Variants in UGT1A9 observed in about 807,000 individuals in gnomAD.
UGT1A9 encodes the protein UDP glucuronosyltransferase family 1 member A9.
UGT1A9 carries 35 observed loss-of-function variants against 45.0 expected under a neutral mutation model. That is an observed-to-expected ratio of 0.78 (90% CI 0.59 to 1.03). The LOEUF (loss-of-function observed/expected upper bound fraction) is 1.03. Ranked by LOEUF, UGT1A9 falls within the 50% of genes least tolerant of loss-of-function variation. The probability of loss-of-function intolerance (pLI) is 0.00; values close to 1 mark genes in which losing one functional copy is unlikely to be tolerated. For synonymous variants in UGT1A9, 278 were observed against 250.6 expected, an observed-to-expected ratio of 1.11 and a Z score of -1.03; for missense variants, 687 against 666.6, an observed-to-expected ratio of 1.03 and a Z score of -0.34.
intron 1 of UGT1A9, among the ~76,000 whole-genome samples, chr2:233,724,038 C>T (rs2077157253): frequency 1.1e-5 from 1 of 87,686 alleles, no homozygotes. Flanking sequence ...TCTCAATGAG[C>T]TGTTGGGCAC....
chr2:233,747,362 G>A, intron 1 of UGT1A9: 1 of 1,603,780 alleles, frequency 6.2e-7, no homozygotes, highest in Non-Finnish European at 8.5e-7. Flanking sequence ...CCGTGCGGGA[G>A]CTCCATGCCA....
chr2:233,709,930 C>G (rs919576895), intron 1 of UGT1A9, among the ~76,000 whole-genome samples: 1 of 151,902 alleles, frequency 6.6e-6, no homozygotes, highest in African/African-American at 2.4e-5. Context: ...CCTTAGGCAA[C>G]CCTGGATGGT....
At chr2:233,764,677 A>G (rs1698620096) in intron 1 of UGT1A9, among the ~76,000 whole-genome samples, 1 of 152,174 alleles carries the variant, frequency 6.6e-6, no homozygotes, top group Non-Finnish European at 1.5e-5. Flanking sequence ...CAGAAGAAAG[A>G]ACTTGAAGAG....
chr2:233,703,514 G>T (rs2125593103), intron 1 of UGT1A9, among the ~76,000 whole-genome samples: 1 of 152,008 alleles, frequency 6.6e-6, no homozygotes, highest in South Asian at 2.1e-4. Flanking sequence ...TCCTGGTGGA[G>T]TGACACTTAT....
intron 4 of UGT1A9, 40 bp downstream of exon 4, chr2:233,768,479 T>C: frequency 6.3e-7 from 1 of 1,593,226 alleles, no homozygotes; most frequent in Non-Finnish European, 8.6e-7. Context: ...GGTCATGGCA[T>C]TCATGATAAA....
At chr2:233,673,817 T>C (rs1433615483) in intron 1 of UGT1A9, among the ~76,000 whole-genome samples, 2 of 152,212 alleles carry the variant, frequency 1.3e-5, no homozygotes, top group Non-Finnish European at 2.9e-5. Context: ...ACTTATCTTA[T>C]TATTTTGTAG....
At chr2:233,713,759 G>C (rs752103750) in intron 1 of UGT1A9, 10 of 1,613,990 alleles carry the variant, frequency 6.2e-6, no homozygotes, top group Non-Finnish European at 3.4e-6. Context: ...CTGTGTGGCT[G>C]TTCCGAGGGG....
intron 1 of UGT1A9, chr2:233,743,944 C>A: frequency 7.4e-7 from 1 of 1,351,520 alleles, no homozygotes; most frequent in Non-Finnish European, 9.9e-7. Context: ...GCCCACCAGG[C>A]ACTGGCACAG....
intron 1 of UGT1A9, among the ~76,000 whole-genome samples, chr2:233,757,540 A>ATATATATATATATATATATATATATG (rs1696599685): frequency 2.6e-5 from 3 of 116,538 alleles, no homozygotes; most frequent in Non-Finnish European, 5.4e-5. Flanking sequence ...TAAGGAATAT[A>ATATATATATATATATATATATATATG]TATATATATA....
chr2:233,690,988 G>A (rs2125547227), intron 1 of UGT1A9: 4 of 994,376 alleles, frequency 4.0e-6, no homozygotes, highest in Middle Eastern at 5.1e-4. Flanking sequence ...CCACATATGA[G>A]CAACAGGATT....
At chr2:233,766,980 A>G (rs1699299686) in intron 1 of UGT1A9, 54 bp from the exon 2 acceptor site, 14 of 1,612,720 alleles carry the variant, frequency 8.7e-6, no homozygotes, top group Non-Finnish European at 1.1e-5. Flanking sequence ...TACTGTATGT[A>G]GTCATCAAAG....
Position 233,772,472 on chromosome 2 carries a change from C to A in UGT1A9, c.1506C>A (p.Ile502=). ...CCGTCGTGCTGACAGTGGCCTTCAT[C>A]ACCTTTAAATGTTGTGCTTATGGCT... The part of the protein sequence containing the change: ...LLAVVLTVAF[I]TFKCCAYGYR... Residue 502 remains isoleucine (I), a synonymous_variant, in exon 5 of 5, where the codon ATC becomes ATA. Transcript: ENST00000354728. The A allele has an allele frequency of 6.2e-7, 1 of 1,614,132 alleles. No homozygotes were observed. Among genetic ancestry groups the A allele is most frequent in the Non-Finnish European group, 8.5e-7 (1 of 1,180,020 alleles).
intron 2 of UGT1A9, 105 bp downstream of exon 2, chr2:233,767,270 C>T: frequency 6.3e-7 from 1 of 1,582,714 alleles, no homozygotes; most frequent in Non-Finnish European, 8.5e-7. Flanking sequence ...TTAGATTTGG[C>T]TTTTCCCTGC....
chr2:233,748,205 G>A, intron 1 of UGT1A9: 1 of 1,514,056 alleles, frequency 6.6e-7, no homozygotes. Context: ...TGTCGTAATA[G>A]CCTTCAGTGA....
intron 1 of UGT1A9, among the ~76,000 whole-genome samples, chr2:233,763,849 G>A (rs1198525346): frequency 6.6e-6 from 1 of 152,198 alleles, no homozygotes; most frequent in East Asian, 1.9e-4. Context: ...GATAGCAGTG[G>A]TTCACAGACA....
chr2:233,743,267 C>T (rs1692250223), intron 1 of UGT1A9: 1 of 463,686 alleles, frequency 2.2e-6, no homozygotes, highest in Non-Finnish European at 4.0e-6. Flanking sequence ...TCTTCCTCCA[C>T]TTCCACCCTT....
intron 1 of UGT1A9, among the ~76,000 whole-genome samples, chr2:233,685,982 G>T (rs1231017372): frequency 2.0e-5 from 3 of 152,110 alleles, no homozygotes; most frequent in Non-Finnish European, 4.4e-5. Flanking sequence ...TTAAAGTCCA[G>T]AAATAATCCT....
At chr2:233,742,372 A>C (rs1691957505) in intron 1 of UGT1A9, among the ~76,000 whole-genome samples, 1 of 152,034 alleles carries the variant, frequency 6.6e-6, no homozygotes, top group South Asian at 2.1e-4. Context: ...ACATGTCCTT[A>C]AGGCACAGAT....
intron 1 of UGT1A9, among the ~76,000 whole-genome samples, chr2:233,752,979 T>C (rs993600275): frequency 5.3e-5 from 8 of 152,202 alleles, no homozygotes; most frequent in Non-Finnish European, 1.0e-4. Context: ...ATTGTGTAGA[T>C]ACAAACCCAC....
Sources: allele counts gnomAD v4.1 joint callset (sites outside exome capture counted in the v4.1 genomes callset), GRCh38; gene constraint gnomAD v4.1.1; transcripts MANE v1.5; gene names NCBI Gene and HGNC (gene_info 2026-07-23, HGNC 2026-07-21).